SMYD3: variants seen among roughly 807,000 people sequenced by gnomAD.
The protein encoded by SMYD3 is SET and MYND domain containing 3, also known as histone-lysine N-methyltransferase SMYD3.
In SMYD3, 36 loss-of-function variants were observed where a neutral mutation model predicts 57.7. That is an observed-to-expected ratio of 0.62 (90% CI 0.48 to 0.82). The LOEUF is 0.82. SMYD3 is among the 40% of genes least tolerant of loss of function. The pLI is 0.00. For missense variants in SMYD3, 515 were observed against 538.8 expected (o/e 0.96, Z 0.44); for synonymous variants, 211 against 195.0 (o/e 1.08, Z -0.68).
intron 1 of SMYD3, among the ~76,000 whole-genome samples, chr1:246,462,389 G>A (rs578124015): frequency 7.9e-5 from 12 of 152,156 alleles, no homozygotes; most frequent in Non-Finnish European, 1.5e-4. Flanking sequence ...GTGATCAGCG[G>A]TACCCCCATC....
intron 10 of SMYD3, among the ~76,000 whole-genome samples, chr1:245,848,422 T>C (rs2148444414): frequency 6.6e-6 from 1 of 151,244 alleles, no homozygotes; most frequent in Non-Finnish European, 1.5e-5. Flanking sequence ...TGACTGGATT[T>C]TTTGTTGTTG....
intron 5 of SMYD3, among the ~76,000 whole-genome samples, chr1:246,076,672 G>GTT (rs869038981): frequency 2.5e-5 from 3 of 120,760 alleles, no homozygotes; most frequent in African/African-American, 9.3e-5. Flanking sequence ...ATTCTGTCTG[G>GTT]TTTTGTTTTT....
At chr1:246,038,021 T>C (rs768321379) in intron 5 of SMYD3, among the ~76,000 whole-genome samples, 11 of 152,058 alleles carry the variant, frequency 7.2e-5, no homozygotes, top group Non-Finnish European at 1.5e-4. Context: ...AACAAATGAG[T>C]GTGGCTGTGT....
At chr1:246,418,772 C>G (rs1336812009) in intron 1 of SMYD3, among the ~76,000 whole-genome samples, 1 of 152,142 alleles carries the variant, frequency 6.6e-6, no homozygotes, top group African/African-American at 2.4e-5. Flanking sequence ...TGGCCGACGG[C>G]CTCCCAGCGT....
At chr1:245,907,650 G>T (rs906621444) in intron 8 of SMYD3, among the ~76,000 whole-genome samples, 1 of 152,120 alleles carries the variant, frequency 6.6e-6, no homozygotes, top group Non-Finnish European at 1.5e-5. Flanking sequence ...GAGAACAAAG[G>T]ATTTACAAAA....
intron 1 of SMYD3, among the ~76,000 whole-genome samples, chr1:246,433,522 A>T (rs2067328574): frequency 6.6e-6 from 1 of 152,134 alleles, no homozygotes; most frequent in African/African-American, 2.4e-5. Context: ...TTAGCCAGGC[A>T]TGCTGGCACG....
At chr1:246,246,947 AAAT>A (rs58464293) in intron 5 of SMYD3, among the ~76,000 whole-genome samples, 3,425 of 152,220 alleles carry the variant, frequency 0.023, 131 homozygotes, top group African/African-American at 0.077. Flanking sequence ...TTTTAAAAGA[AAAT>A]AATATTCAGC....
At chr1:246,479,708 A>G (rs1307447049) in intron 1 of SMYD3, among the ~76,000 whole-genome samples, 1 of 151,454 alleles carries the variant, frequency 6.6e-6, no homozygotes, top group African/African-American at 2.4e-5. Context: ...AGGTCTCAAT[A>G]TATTGCCCAG....
At chr1:245,904,693 C>T (rs1219995584) in intron 8 of SMYD3, among the ~76,000 whole-genome samples, 1 of 152,060 alleles carries the variant, frequency 6.6e-6, no homozygotes, top group Non-Finnish European at 1.5e-5. Context: ...GTAGGCAAGT[C>T]CTACAGCTGA....
intron 5 of SMYD3, among the ~76,000 whole-genome samples, chr1:246,116,261 C>T (rs950165045): frequency 9.3e-5 from 14 of 150,762 alleles, no homozygotes; most frequent in African/African-American, 3.4e-4. Flanking sequence ...CTGCTAAATA[C>T]TGTACCATGC....
intron 1 of SMYD3, among the ~76,000 whole-genome samples, chr1:246,376,822 G>A (rs1042892158): frequency 3.3e-5 from 5 of 151,786 alleles, no homozygotes; most frequent in Admixed American, 6.6e-5. Flanking sequence ...CGTATTGGCC[G>A]GGAGTGGTGT....
intron 1 of SMYD3, among the ~76,000 whole-genome samples, chr1:246,410,485 G>C (rs138026119): frequency 6.6e-6 from 1 of 152,126 alleles, no homozygotes; most frequent in Non-Finnish European, 1.5e-5. Context: ...ATTGATTTTC[G>C]TATGTTGAAC....
At chr1:246,316,361 G>GT (rs746235263) in intron 5 of SMYD3, among the ~76,000 whole-genome samples, 3,843 of 133,414 alleles carry the variant, frequency 0.029, 103 homozygotes, top group African/African-American at 0.062. Flanking sequence ...GTCTTCATGG[G>GT]TTTTTTTTTT....
intron 8 of SMYD3, among the ~76,000 whole-genome samples, chr1:245,893,707 C>A (rs756271390): frequency 2.6e-5 from 4 of 151,918 alleles, no homozygotes; most frequent in African/African-American, 7.3e-5. Flanking sequence ...ATGGATACAA[C>A]GCAGTACGAA....
chr1:245,781,895 G>C (rs1474468246), intron 10 of SMYD3, among the ~76,000 whole-genome samples: 4 of 152,104 alleles, frequency 2.6e-5, no homozygotes, highest in Non-Finnish European at 1.5e-5. Context: ...CTTGAACCTG[G>C]GAGGCAGAAG....
chr1:246,392,658 G>A lies in SMYD3; in HGVS notation c.165-37564C>T, dbSNP rs116694376. Among the ~76,000 whole-genome samples the A allele has an allele frequency of 5.6e-3, 856 of 152,006 alleles. 6 individuals are homozygous for A. The highest frequency in any genetic ancestry group is 0.01 in the Non-Finnish European group (695 of 67,984). On this transcript the variant is annotated intron_variant, in intron 1 of 11. Transcript: ENST00000490107. ...AGATGTGGTCTCACTCTGTTGCCCA[G>A]GCTGGCCTTGAACTCCAGGCCTCAA...
intron 5 of SMYD3, among the ~76,000 whole-genome samples, chr1:246,106,987 C>T (rs1408015456): frequency 3.3e-5 from 5 of 152,136 alleles, no homozygotes; most frequent in African/African-American, 7.2e-5. Context: ...AAGAGTTGGG[C>T]ATATAATAGG....
intron 5 of SMYD3, among the ~76,000 whole-genome samples, chr1:246,145,139 C>T (rs2061823515): frequency 1.3e-5 from 2 of 152,052 alleles, no homozygotes; most frequent in African/African-American, 2.4e-5. Context: ...GATCCTTCTG[C>T]TTTAGCCTCC....
chr1:246,253,906 C>T (rs1050876830), intron 5 of SMYD3, among the ~76,000 whole-genome samples: 4 of 152,168 alleles, frequency 2.6e-5, no homozygotes, highest in African/African-American at 9.7e-5. Flanking sequence ...CTGCTTTAAG[C>T]TCCTTGAGAA....
Sources: allele counts gnomAD v4.1 joint callset (sites outside exome capture counted in the v4.1 genomes callset), GRCh38; gene constraint gnomAD v4.1.1; transcripts MANE v1.5; gene names NCBI Gene and HGNC (gene_info 2026-07-23, HGNC 2026-07-21).